Variants in LCOR observed in about 807,000 individuals in gnomAD.
The protein encoded by LCOR is ligand-dependent corepressor.
LCOR carries 14 observed loss-of-function variants against 64.4 expected under a neutral mutation model. The ratio of observed to expected loss-of-function variants is 0.22; its 90% CI spans 0.14 to 0.34. The LOEUF (loss-of-function observed/expected upper bound fraction) is 0.34, where lower values mean the gene tolerates loss of function less well. LCOR is among the 10% of genes least tolerant of loss of function. LCOR has a pLI of 1.00. For missense variants in LCOR, 1,686 were observed against 1,765.3 expected (o/e 0.96, Z 0.80); for synonymous variants, 643 against 642.5 (o/e 1.00, Z -0.01).
chr10:96,943,257 A>G (rs991017824), intron 4 of LCOR, among the ~76,000 whole-genome samples: 3 of 152,054 alleles, frequency 2.0e-5, no homozygotes, highest in Admixed American at 2.0e-4. Context: ...CACCACGCCC[A>G]GCTAATTTTT....
intron 2 of LCOR, among the ~76,000 whole-genome samples, chr10:96,839,963 G>C (rs1032963480): frequency 6.6e-6 from 1 of 152,202 alleles, no homozygotes; most frequent in Non-Finnish European, 1.5e-5. Flanking sequence ...TTACAGGTGT[G>C]AGCCACCACC....
At chr10:96,953,765 C>T (rs910638298) in intron 7 of LCOR, among the ~76,000 whole-genome samples, 2 of 152,136 alleles carry the variant, frequency 1.3e-5, no homozygotes, top group African/African-American at 4.8e-5. Context: ...GAAAAATGCA[C>T]CAATAGGATT....
chr10:96,907,725 G>A lies in LCOR; in HGVS notation c.-206G>A. The A allele has an allele frequency of 2.0e-6, 2 of 982,848 alleles. No individual in the cohort carries two copies. Among genetic ancestry groups the A allele is most frequent in the Non-Finnish European group, 2.4e-6 (2 of 827,274 alleles). The allele number at this position is 982,848 out of a possible 1,614,324, so 60.9% of individuals were successfully genotyped here. On this transcript the variant is annotated 5_prime_UTR_variant, in exon 4 of 8. Transcript: ENST00000421806. ...TTTGATGAAAACTGTTTATTCTGTT[G>A]CTTGAGAAGAGATAAAGTAAAGGTA...
intron 4 of LCOR, chr10:96,915,558 A>C: frequency 1.5e-6 from 1 of 650,418 alleles, no homozygotes; most frequent in Non-Finnish European, 2.8e-6. Flanking sequence ...CATTTTTATG[A>C]AACTTGGTAA....
Position 96,983,718 on chromosome 10 carries a change from C to T in LCOR, c.3258C>T (p.Asp1086=), listed in dbSNP as rs146645064. The change falls in exon 8 of 8, where the codon GAC becomes GAT. Residue 1086 remains aspartate (D), a synonymous_variant. Transcript: ENST00000421806. The surrounding 1 kb of genome is among the most constrained non-coding windows in gnomAD (Gnocchi z 4.5). The stretch of plus-strand genomic sequence containing the variant: ...AGAGTGGAGACCCCCTAGATGAGGA[C>T]GATGTTGACACCGTGGTAGATGAAC... ...ASESGDPLDE[D]DVDTVVDEQP... The T allele has an allele frequency of 4.3e-6, 7 of 1,613,968 alleles. No homozygotes were observed. The highest frequency in any genetic ancestry group is 2.2e-5 in the East Asian group (1 of 44,890).
chr10:96,894,557 A>G (rs1846504904), intron 2 of LCOR, among the ~76,000 whole-genome samples: 1 of 152,236 alleles, frequency 6.6e-6, no homozygotes, highest in African/African-American at 2.4e-5. Context: ...GGCAGTAGCT[A>G]ATCATTGAAC....
chr10:96,966,599 G>C (rs1847953594), intron 7 of LCOR, among the ~76,000 whole-genome samples: 1 of 152,152 alleles, frequency 6.6e-6, no homozygotes, highest in African/African-American at 2.4e-5. Flanking sequence ...TTTTGTAGCT[G>C]AAATGAGTGA....
intron 4 of LCOR, among the ~76,000 whole-genome samples, chr10:96,922,406 C>T (rs1035097871): frequency 1.3e-5 from 2 of 152,092 alleles, no homozygotes; most frequent in Non-Finnish European, 2.9e-5. Context: ...AAGTTAATGA[C>T]TATTGCTGTC....
chr10:96,922,406 CTA>C (rs1847096411), intron 4 of LCOR, among the ~76,000 whole-genome samples: 1 of 152,092 alleles, frequency 6.6e-6, no homozygotes, highest in East Asian at 1.9e-4. Context: ...AAGTTAATGA[CTA>C]TTGCTGTCAG....
At chr10:96,899,113 C>T (rs992619416) in intron 2 of LCOR, among the ~76,000 whole-genome samples, 7 of 151,882 alleles carry the variant, frequency 4.6e-5, no homozygotes, top group Non-Finnish European at 8.8e-5. Flanking sequence ...AGAATATAGA[C>T]GAAATCTATG....
intron 2 of LCOR, among the ~76,000 whole-genome samples, chr10:96,898,113 T>G (rs932231632): frequency 1.4e-4 from 22 of 152,276 alleles, no homozygotes; most frequent in African/African-American, 5.3e-4. Context: ...ATGAATAAAC[T>G]CCAGTTCTTT....
At chr10:96,857,084 A>G (rs1225573622) in intron 2 of LCOR, among the ~76,000 whole-genome samples, 2 of 146,120 alleles carry the variant, frequency 1.4e-5, no homozygotes, top group African/African-American at 5.4e-5. Flanking sequence ...ATAGATATAT[A>G]TATGTATATA....
chr10:96,841,517 T>C (rs561840446), intron 2 of LCOR, among the ~76,000 whole-genome samples: 2 of 152,070 alleles, frequency 1.3e-5, no homozygotes, highest in East Asian at 3.9e-4. Flanking sequence ...TGTGCCACCA[T>C]GCCCGGCTAA....
At chr10:96,901,648 A>G (rs531600242) in intron 2 of LCOR, among the ~76,000 whole-genome samples, 1 of 152,328 alleles carries the variant, frequency 6.6e-6, no homozygotes, top group African/African-American at 2.4e-5. Context: ...CCTATTTTAC[A>G]GATACTGCAC....
intron 4 of LCOR, among the ~76,000 whole-genome samples, chr10:96,935,177 G>A (rs1398995008): frequency 1.0e-5 from 1 of 100,358 alleles, no homozygotes; most frequent in African/African-American, 4.0e-5. Flanking sequence ...GAGACAGAGT[G>A]TCACTCTGTC....
Position 96,951,792 on chromosome 10 carries a change from T to C in LCOR, c.239-311T>C, listed in dbSNP as rs370451450. On this transcript the variant is annotated intron_variant, in intron 6 of 7. Transcript: ENST00000421806. ...GAAAATGGAGTCTTAAAAAATCTGA[T>C]AACAGAGGACCTCATGCTATGTGAA... is the stretch of plus-strand genomic sequence containing the variant. Among the ~76,000 whole-genome samples the C allele has an allele frequency of 2.5e-4, 38 of 152,280 alleles. No homozygotes were observed. The East Asian group carries it at 6.6e-3, about 26-fold the overall frequency.
intron 2 of LCOR, among the ~76,000 whole-genome samples, chr10:96,874,485 A>G (rs1018797317): frequency 2.0e-5 from 3 of 152,188 alleles, no homozygotes; most frequent in Non-Finnish European, 4.4e-5. Flanking sequence ...TCAGCATAAT[A>G]ATAGCTAACA....
At chr10:96,886,127 C>T (rs1159468343) in intron 2 of LCOR, among the ~76,000 whole-genome samples, 1 of 152,192 alleles carries the variant, frequency 6.6e-6, no homozygotes, top group East Asian at 1.9e-4. Flanking sequence ...ATCTGCCCCA[C>T]TTGGCCTCTC....
chr10:96,836,659 C>T (rs1845446984), intron 2 of LCOR, among the ~76,000 whole-genome samples: 1 of 152,122 alleles, frequency 6.6e-6, no homozygotes, highest in Non-Finnish European at 1.5e-5. Flanking sequence ...TGAAATCTCT[C>T]CCGAGTTGAT....
Sources: gnomAD v4.1 joint callset for allele counts (sites outside exome capture counted in the v4.1 genomes callset) on GRCh38, gnomAD v4.1.1 for gene constraint, Gnocchi (gnomAD v3.1) non-coding constraint, MANE v1.5 for transcripts, NCBI Gene and HGNC (gene_info 2026-07-23, HGNC 2026-07-21) for gene names.